Variants in PDGFD observed in about 807,000 individuals in gnomAD.
PDGFD encodes the protein platelet-derived growth factor D.
PDGFD carries 30 observed loss-of-function variants against 44.7 expected under a neutral mutation model. That is an observed-to-expected ratio of 0.67 (90% CI 0.50 to 0.91). PDGFD has a LOEUF of 0.91. Among genes scored for constraint, PDGFD ranks in the 40% least tolerant of loss-of-function variants. The pLI is 0.00. For missense variants in PDGFD, 445 were observed against 457.8 expected, an observed-to-expected ratio of 0.97 and a Z score of 0.25; for synonymous variants, 173 against 168.4, an observed-to-expected ratio of 1.03 and a Z score of -0.21.
At chr11:104,152,082 G>C (rs987920259) in intron 1 of PDGFD, among the ~76,000 whole-genome samples, 2 of 152,110 alleles carry the variant, frequency 1.3e-5, no homozygotes, top group Admixed American at 1.3e-4. Flanking sequence ...TCTGCTCCAT[G>C]GTGCCTCATC....
intron 3 of PDGFD, among the ~76,000 whole-genome samples, chr11:103,976,705 A>AATAGTTTATCTCAATAAACTATTAAG (rs1310636304): frequency 7.9e-5 from 12 of 152,000 alleles, no homozygotes; most frequent in Non-Finnish European, 1.8e-4. Context: ...CGTTCTACTG[A>AATAGTTTATCTCAATAAACTATTAAG]ATAGTTTATC....
chr11:103,976,219 G>C (rs1859182433), intron 3 of PDGFD, among the ~76,000 whole-genome samples: 1 of 150,876 alleles, frequency 6.6e-6, no homozygotes, highest in Non-Finnish European at 1.5e-5. Flanking sequence ...CACATCCGTT[G>C]TAAGTTGCTA....
chr11:104,096,264 G>T lies in PDGFD; in HGVS notation c.124+67540C>A, dbSNP rs1861286324. 2.0e-5 allele frequency among the ~76,000 whole-genome samples: 3 copies of T among 151,434 alleles called. No homozygotes were observed. The South Asian group carries it at 6.2e-4, about 31-fold the overall frequency. ...TGCAAAAAAAAACTACAAAAAAGTA[G>T]CTCTCTTATGTATAGCTATCACAAC... is the stretch of plus-strand genomic sequence containing the variant. On this transcript the variant is annotated intron_variant, in intron 1 of 6. Transcript: ENST00000393158.
intron 3 of PDGFD, among the ~76,000 whole-genome samples, chr11:103,957,477 C>T (rs962152930): frequency 1.3e-5 from 2 of 152,124 alleles, no homozygotes; most frequent in African/African-American, 2.4e-5. Flanking sequence ...TACTACAAGG[C>T]TACAGTAACC....
intron 1 of PDGFD, among the ~76,000 whole-genome samples, chr11:104,059,642 T>C (rs1478847211): frequency 6.6e-6 from 1 of 152,198 alleles, no homozygotes; most frequent in Non-Finnish European, 1.5e-5. Context: ...TTTTCTTCTC[T>C]CTCTTCTGAG....
At chr11:104,108,131 T>G (rs1384887410) in intron 1 of PDGFD, among the ~76,000 whole-genome samples, 12 of 152,112 alleles carry the variant, frequency 7.9e-5, no homozygotes, top group Admixed American at 7.9e-4. Context: ...CCAGGGCAGG[T>G]AATTCAAAGA....
chr11:104,062,497 C>T (rs1345877254), intron 1 of PDGFD, among the ~76,000 whole-genome samples: 1 of 152,182 alleles, frequency 6.6e-6, no homozygotes, highest in East Asian at 1.9e-4. Context: ...TTTTGAATTA[C>T]AAGTTTTTTT....
chr11:104,051,577 G>A (rs1478789166), intron 1 of PDGFD, among the ~76,000 whole-genome samples: 1 of 151,900 alleles, frequency 6.6e-6, no homozygotes, highest in African/African-American at 2.4e-5. Context: ...ATTTAAGGTA[G>A]GTGATTGTAT....
chr11:103,978,762 C>A (rs1859219339), intron 3 of PDGFD, among the ~76,000 whole-genome samples: 1 of 152,026 alleles, frequency 6.6e-6, no homozygotes, highest in African/African-American at 2.4e-5. Context: ...CTGTCTTGTA[C>A]CCCTGTACTA....
intron 6 of PDGFD, among the ~76,000 whole-genome samples, chr11:103,913,537 C>T (rs149443758): frequency 0.017 from 2,599 of 152,224 alleles, 77 homozygotes; most frequent in African/African-American, 0.06. Context: ...TAGATGCCTA[C>T]AAGAGAAAGC....
intron 1 of PDGFD, among the ~76,000 whole-genome samples, chr11:104,118,857 A>AAATATAATATATAATATATT (rs1565340232): frequency 1.5e-5 from 1 of 65,246 alleles, no homozygotes; most frequent in African/African-American, 6.0e-5. Context: ...TATATATTAT[A>AAATATAATATATAATATATT]ATATATTATA....
chr11:104,120,623 A>G (rs1861764805), intron 1 of PDGFD, among the ~76,000 whole-genome samples: 1 of 151,876 alleles, frequency 6.6e-6, no homozygotes, highest in Non-Finnish European at 1.5e-5. Flanking sequence ...CGAGAATTTG[A>G]TGGTATTCTT....
intron 1 of PDGFD, among the ~76,000 whole-genome samples, chr11:104,077,146 C>G (rs1860970976): frequency 6.6e-6 from 1 of 152,092 alleles, no homozygotes; most frequent in Non-Finnish European, 1.5e-5. Flanking sequence ...TTCAGTGTCA[C>G]CTGCATTCTC....
chr11:104,088,530 G>C (rs2134435037), intron 1 of PDGFD, among the ~76,000 whole-genome samples: 1 of 152,258 alleles, frequency 6.6e-6, no homozygotes, highest in South Asian at 2.1e-4. Flanking sequence ...TGGAATATAA[G>C]AGATACCATA....
At chr11:104,021,411 T>C (rs943995365) in intron 1 of PDGFD, among the ~76,000 whole-genome samples, 1 of 152,160 alleles carries the variant, frequency 6.6e-6, no homozygotes, top group Non-Finnish European at 1.5e-5. Context: ...AACCACTTTA[T>C]TTTCCTGCCC....
chr11:104,087,228 T>C (rs1179632890), intron 1 of PDGFD, among the ~76,000 whole-genome samples: 2 of 145,482 alleles, frequency 1.4e-5, no homozygotes, highest in African/African-American at 5.1e-5. Flanking sequence ...AGAGTCTTGC[T>C]CTTGTCAACT....
chr11:104,112,323 T>A (rs2134453615), intron 1 of PDGFD, among the ~76,000 whole-genome samples: 1 of 152,234 alleles, frequency 6.6e-6, no homozygotes. Context: ...TGGTTGCATG[T>A]ATGCCTTCTT....
intron 1 of PDGFD, among the ~76,000 whole-genome samples, chr11:104,002,973 G>A (rs542455395): frequency 2.0e-5 from 3 of 152,226 alleles, no homozygotes; most frequent in South Asian, 2.1e-4. Context: ...TAAGTGAATT[G>A]AGCATCACAT....
intron 1 of PDGFD, among the ~76,000 whole-genome samples, chr11:104,011,663 T>G (rs1401814809): frequency 6.6e-6 from 1 of 152,078 alleles, no homozygotes; most frequent in Non-Finnish European, 1.5e-5. Flanking sequence ...AATATTATCT[T>G]TGGTAGCATA....
Sources: allele counts gnomAD v4.1 joint callset (sites outside exome capture counted in the v4.1 genomes callset), GRCh38; gene constraint gnomAD v4.1.1; transcripts MANE v1.5; gene names NCBI Gene and HGNC (gene_info 2026-07-23, HGNC 2026-07-21).